The following EPS15L1 variants were observed in gnomAD, a reference collection of about 807,000 sequenced individuals.
The protein encoded by EPS15L1 is epidermal growth factor receptor substrate 15-like 1.
EPS15L1 carries 43 observed loss-of-function variants against 117.1 expected under a neutral mutation model. The ratio of observed to expected loss-of-function variants is 0.37; its 90% CI spans 0.29 to 0.47. The LOEUF (loss-of-function observed/expected upper bound fraction) is 0.47. Among genes scored for constraint, EPS15L1 ranks in the 20% least tolerant of loss-of-function variants. The probability of loss-of-function intolerance (pLI) is 0.99; values close to 1 mark genes in which losing one functional copy is unlikely to be tolerated. For missense variants in EPS15L1, 981 were observed against 1,164.0 expected (o/e 0.84, Z 2.29); for synonymous variants, 459 against 470.5 (o/e 0.98, Z 0.32).
chr19:16,387,375 G>A (rs1018546579), intron 19 of EPS15L1, among the ~76,000 whole-genome samples: 4 of 152,180 alleles, frequency 2.6e-5, no homozygotes, highest in Non-Finnish European at 5.9e-5. Flanking sequence ...TGGGGGCCAA[G>A]GCAAGTGGAT....
At position 16,374,238 on chromosome 19, in the gene EPS15L1, C is replaced by T. The variant is rs371679874; in HGVS notation, c.2380+2884G>A. Among the ~76,000 whole-genome samples the T allele has an allele frequency of 3.8e-4, 58 of 152,332 alleles. No individual in the cohort carries two copies. In the East Asian group the frequency reaches 6.2e-3, roughly 16 times the overall value. On this transcript the variant is annotated intron_variant, in intron 22 of 23. Transcript: ENST00000455140. ...GGCATGGCCTGGCCTGTCTCCCTCACGGGTCTTGCTGGGACCTAGTGAGAT... is the reference window on the plus strand; with the variant it reads ...GGCATGGCCTGGCCTGTCTCCCTCATGGGTCTTGCTGGGACCTAGTGAGAT...
At chr19:16,357,969 G>A (rs1356744189) in intron 23 of EPS15L1, 1 of 152,446 alleles carries the variant, frequency 6.6e-6, no homozygotes, top group East Asian at 1.9e-4. Context: ...TGACAACAGT[G>A]GGAGGGAGAC....
At chr19:16,378,332 C>T (rs2092321792) in intron 21 of EPS15L1, among the ~76,000 whole-genome samples, 1 of 152,112 alleles carries the variant, frequency 6.6e-6, no homozygotes, top group Non-Finnish European at 1.5e-5. Context: ...CCTCACAATG[C>T]CTCCTTAGTC....
In EPS15L1 at chr19:16,404,029, A is replaced by G; in HGVS notation, c.1429-99T>C. Reference sequence around the variant, plus strand: ...TAGCCCCCATCCCCGAAACAAGCTAAGCCAGGGACGCAGACACCTAACCCA... The same window carrying G: ...TAGCCCCCATCCCCGAAACAAGCTAGGCCAGGGACGCAGACACCTAACCCA... On this transcript the variant is annotated intron_variant, in intron 14 of 23. Transcript: ENST00000455140. This position sits in a 1 kb window ranked among gnomAD's most constrained non-coding sequence, Gnocchi z 4.2. 4 of 1,180,886 alleles carry G rather than the reference A, an allele frequency of 3.4e-6. No homozygotes were observed. The highest frequency in any genetic ancestry group is 4.8e-6 in the Non-Finnish European group (4 of 828,660). The allele number at this position is 1,180,886 out of a possible 1,614,324, so 73.2% of individuals were successfully genotyped here. A position where few individuals can be genotyped will look rare whatever the true frequency, so the allele number is the denominator to read the frequency against.
intron 7 of EPS15L1, among the ~76,000 whole-genome samples, chr19:16,431,330 G>A (rs2092925605): frequency 6.7e-6 from 1 of 149,400 alleles, no homozygotes; most frequent in South Asian, 2.1e-4. Flanking sequence ...TTGAGACAGA[G>A]TCTCACTCTG....
At chr19:16,454,492 TAGAC>T (rs1377083030) in intron 1 of EPS15L1, among the ~76,000 whole-genome samples, 1 of 152,132 alleles carries the variant, frequency 6.6e-6, no homozygotes, top group African/African-American at 2.4e-5. Flanking sequence ...TTTTGTAAAT[TAGAC>T]AGAAATAGAA....
chr19:16,454,823 T>C (rs2093179413), intron 1 of EPS15L1, among the ~76,000 whole-genome samples: 1 of 151,810 alleles, frequency 6.6e-6, no homozygotes, highest in Non-Finnish European at 1.5e-5. Flanking sequence ...TTTTTTCTTT[T>C]TTTTTTTTTT....
rs756728581 is a variant in EPS15L1, at chr19:16,355,676, G to A, written c.*29C>T. On this transcript the variant is annotated 3_prime_UTR_variant, in exon 24 of 24. Transcript: ENST00000455140. ...TGCCCCCTCTCTGGAACCCGCCCGTGCCCTGTCCCGCCTACACACGGCCCT... is the reference window on the plus strand; with the variant it reads ...TGCCCCCTCTCTGGAACCCGCCCGTACCCTGTCCCGCCTACACACGGCCCT... 4.0e-5 allele frequency: 61 copies of A among 1,531,028 alleles called. No individual in the cohort carries two copies. The highest frequency in any genetic ancestry group is 5.3e-5 in the Non-Finnish European group (61 of 1,143,190). The allele number at this position is 1,531,028 out of a possible 1,614,324, so 94.8% of individuals were successfully genotyped here.
At chr19:16,426,727 C>T (rs571910622) in intron 8 of EPS15L1, among the ~76,000 whole-genome samples, 1 of 152,236 alleles carries the variant, frequency 6.6e-6, no homozygotes, top group African/African-American at 2.4e-5. Context: ...TCCCAGGAAA[C>T]GAAAGACAAA....
At chr19:16,361,378 T>C (rs964858405) in intron 23 of EPS15L1, among the ~76,000 whole-genome samples, 1 of 152,178 alleles carries the variant, frequency 6.6e-6, no homozygotes, top group Non-Finnish European at 1.5e-5. Flanking sequence ...AAAGGGCTTT[T>C]TGGGGACAGC....
intron 4 of EPS15L1, among the ~76,000 whole-genome samples, chr19:16,440,185 C>A (rs2093017145): frequency 6.6e-6 from 1 of 152,068 alleles, no homozygotes; most frequent in South Asian, 2.1e-4. Context: ...ATAATCCCAG[C>A]AGTTTGGGAG....
intron 18 of EPS15L1, among the ~76,000 whole-genome samples, chr19:16,393,108 AT>A (rs2092497022): frequency 5.4e-5 from 8 of 148,810 alleles, no homozygotes; most frequent in Admixed American, 4.0e-4. Context: ...AATAATAATA[AT>A]AATAATAATA....
intron 19 of EPS15L1, among the ~76,000 whole-genome samples, chr19:16,389,182 AGTGACTCAAGCCT>A (rs1341978558): frequency 6.7e-6 from 1 of 148,776 alleles, no homozygotes; most frequent in Non-Finnish European, 1.5e-5. Context: ...AGCTGGGTGA[AGTGACTCAAGCCT>A]GTGATCCCAG....
rs1342365158 is a variant in EPS15L1 at position 16,421,359 on chromosome 19, T to A, written c.910A>T (p.Met304Leu). 1 of 1,613,554 alleles carries A rather than the reference T, an allele frequency of 6.2e-7. No homozygotes were observed. Among genetic ancestry groups the A allele is most frequent in the African/African-American group, 1.3e-5 (1 of 74,934 alleles). The stretch of plus-strand genomic sequence containing the variant: ...AGGTTCTGGGTGAGGCCCGAGTGCA[T>A]GAAGATCTCCTTCACCTCCTGGCCA... ...VSGQEVKEIF[M>L]HSGLTQNLLA... Residue 304 changes from methionine (M) to leucine (L), a missense_variant, in exon 10 of 24, where the codon ATG (methionine) becomes TTG (leucine). Met to Leu is a conservative substitution (Grantham distance 15, BLOSUM62 2). Transcript: ENST00000455140.
chr19:16,430,519 CTGGA>C (rs1401689493), intron 7 of EPS15L1, among the ~76,000 whole-genome samples: 14 of 152,348 alleles, frequency 9.2e-5, no homozygotes, highest in Admixed American at 9.2e-4. Context: ...GCTGCAAGTG[CTGGA>C]TGTGTGTCTT....
intron 17 of EPS15L1, 146 bp from the exon 18 acceptor site, chr19:16,394,147 T>G: frequency 1.4e-6 from 1 of 709,364 alleles, no homozygotes; most frequent in Non-Finnish European, 2.5e-6. Flanking sequence ...TTCTCTACTA[T>G]CCACCTGCCC....
Position 16,377,544 on chromosome 19 carries a change from C to T in EPS15L1, c.2248-290G>A, listed in dbSNP as rs371880479. ...AGCACCAAGGGCATCCCCAGTCACA[C>T]GAGGCACACTGGGTCTTTCCTGACT... On this transcript the variant is annotated intron_variant, in intron 21 of 23. Transcript: ENST00000455140. Among the ~76,000 whole-genome samples, 18 of 152,214 alleles carry T rather than the reference C, an allele frequency of 1.2e-4. No individual in the cohort carries two copies. In the East Asian group the frequency reaches 1.5e-3, roughly 13 times the overall value.
At chr19:16,437,045 A>G in intron 5 of EPS15L1, 46 bp from the exon 6 acceptor site, 1 of 1,555,156 alleles carries the variant, frequency 6.4e-7, no homozygotes, top group Non-Finnish European at 8.9e-7. Flanking sequence ...ACAGAATTAA[A>G]TCATAGGTGG....
chr19:16,439,444 C>A (rs1289213615), intron 4 of EPS15L1, among the ~76,000 whole-genome samples: 3 of 152,118 alleles, frequency 2.0e-5, no homozygotes, highest in Non-Finnish European at 4.4e-5. Context: ...ATAATCCCAG[C>A]ACTTAGGGAG....
Sources: allele counts gnomAD v4.1 joint callset (sites outside exome capture counted in the v4.1 genomes callset), GRCh38; gene constraint gnomAD v4.1.1; non-coding constraint Gnocchi (gnomAD v3.1); transcripts MANE v1.5; gene names NCBI Gene and HGNC (gene_info 2026-07-23, HGNC 2026-07-21).